The following FHIT variants were observed in gnomAD, a reference collection of about 807,000 sequenced individuals.
FHIT encodes the protein bis(5'-adenosyl)-triphosphatase.
A neutral mutation model predicts 17.9 loss-of-function variants in FHIT; 19 were observed. That is an observed-to-expected ratio of 1.06 (90% CI 0.74 to 1.56). The LOEUF (loss-of-function observed/expected upper bound fraction) is 1.56, where lower values mean the gene tolerates loss of function less well. Among genes scored for constraint, FHIT ranks in the 40% most tolerant of loss-of-function variants. FHIT has a pLI of 0.00. For missense variants in FHIT, 248 were observed against 189.2 expected (o/e 1.31, Z -1.82); for synonymous variants, 81 against 69.7 (o/e 1.16, Z -0.81).
At chr3:60,880,724 C>T (rs1207492275) in intron 3 of FHIT, among the ~76,000 whole-genome samples, 1 of 144,824 alleles carries the variant, frequency 6.9e-6, no homozygotes, top group Non-Finnish European at 1.5e-5. Context: ...AAGAGTGAAA[C>T]TCATCTCAAA....
intron 3 of FHIT, among the ~76,000 whole-genome samples, chr3:60,844,699 G>C (rs1371624374): frequency 1.3e-5 from 2 of 152,076 alleles, no homozygotes; most frequent in African/African-American, 2.4e-5. Flanking sequence ...AATCATATTT[G>C]TGACAATCTT....
intron 5 of FHIT, among the ~76,000 whole-genome samples, chr3:60,289,067 C>G (rs1180956306): frequency 6.6e-6 from 1 of 152,142 alleles, no homozygotes; most frequent in Non-Finnish European, 1.5e-5. Context: ...TTCATAAACA[C>G]TCTCCACAAA....
At chr3:60,300,367 C>A (rs1163781883) in intron 5 of FHIT, among the ~76,000 whole-genome samples, 6 of 152,012 alleles carry the variant, frequency 3.9e-5, no homozygotes, top group Non-Finnish European at 8.8e-5. Context: ...AGAATATTCA[C>A]AGCTTTACTT....
chr3:60,258,157 T>C (rs965578699), intron 5 of FHIT, among the ~76,000 whole-genome samples: 1 of 150,412 alleles, frequency 6.6e-6, no homozygotes, highest in Non-Finnish European at 1.5e-5. Flanking sequence ...TTGTGAAAAA[T>C]AATATTGCCA....
At chr3:60,264,461 C>T (rs1706469457) in intron 5 of FHIT, among the ~76,000 whole-genome samples, 1 of 151,594 alleles carries the variant, frequency 6.6e-6, no homozygotes, top group Non-Finnish European at 1.5e-5. Context: ...ATTAGAAATA[C>T]TCAACTTAAG....
At chr3:60,495,079 A>T (rs2034240397) in intron 5 of FHIT, among the ~76,000 whole-genome samples, 1 of 152,166 alleles carries the variant, frequency 6.6e-6, no homozygotes, top group South Asian at 2.1e-4. Flanking sequence ...ACTAATTTAC[A>T]TTCCCACCAA....
chr3:60,090,367 C>A lies in FHIT; in HGVS notation c.104-76215G>T, dbSNP rs1703678712. On this transcript the variant is annotated intron_variant, in intron 5 of 9. Coordinates refer to ENST00000492590, the MANE Select transcript of FHIT (RefSeq NM_002012.4). ...CTACAGCTTGGGAATACTAAATAAG[C>A]CCTAATGAGTTCAAAAGTCGGTAAT... is the stretch of plus-strand genomic sequence containing the variant. 5.3e-5 allele frequency among the ~76,000 whole-genome samples: 8 copies of A among 152,110 alleles called. 1 individual carries two copies. The highest frequency in any genetic ancestry group is 5.2e-4 in the Admixed American group (8 of 15,278).
At chr3:60,397,969 T>G (rs1414493918) in intron 5 of FHIT, among the ~76,000 whole-genome samples, 1 of 152,096 alleles carries the variant, frequency 6.6e-6, no homozygotes, top group Non-Finnish European at 1.5e-5. Context: ...AGCCACAGCC[T>G]CAGCCATATT....
chr3:60,277,113 A>G (rs213353), intron 5 of FHIT, among the ~76,000 whole-genome samples: 141,942 of 152,156 alleles, frequency 0.93, 66,334 homozygotes, highest in East Asian at 1. Flanking sequence ...CCTGGTGGTC[A>G]GCAAGAAAGC....
intron 5 of FHIT, among the ~76,000 whole-genome samples, chr3:60,253,139 G>A (rs1303870821): frequency 1.3e-5 from 2 of 152,152 alleles, no homozygotes; most frequent in African/African-American, 4.8e-5. Flanking sequence ...ATATTTTTAA[G>A]TTTTTATTTC....
chr3:60,796,254 G>C (rs1553730295), intron 4 of FHIT, among the ~76,000 whole-genome samples: 1 of 152,148 alleles, frequency 6.6e-6, no homozygotes, highest in Non-Finnish European at 1.5e-5. Context: ...CAAGGAGACA[G>C]TATTTGAGCT....
At chr3:59,999,479 T>A (rs953283862) in intron 7 of FHIT, among the ~76,000 whole-genome samples, 3 of 152,088 alleles carry the variant, frequency 2.0e-5, no homozygotes, top group Non-Finnish European at 4.4e-5. Flanking sequence ...CAGAGGCACT[T>A]TAGAAACTGT....
intron 8 of FHIT, among the ~76,000 whole-genome samples, chr3:59,827,610 T>A (rs1701021368): frequency 6.6e-6 from 1 of 152,228 alleles, no homozygotes. Context: ...ATCCCTATTT[T>A]ATAGAAGAGG....
At chr3:59,940,211 T>C (rs562795570) in intron 7 of FHIT, among the ~76,000 whole-genome samples, 4 of 152,306 alleles carry the variant, frequency 2.6e-5, no homozygotes, top group East Asian at 3.9e-4. Context: ...TTAGTAAGCA[T>C]AGATGTAAGG....
intron 3 of FHIT, among the ~76,000 whole-genome samples, chr3:60,983,416 G>C (rs1010662411): frequency 6.6e-6 from 1 of 152,158 alleles, no homozygotes; most frequent in African/African-American, 2.4e-5. Flanking sequence ...CAGGCTGTGT[G>C]AATGACAGCT....
At chr3:60,819,864 C>G (rs1035157117) in intron 4 of FHIT, among the ~76,000 whole-genome samples, 7 of 152,144 alleles carry the variant, frequency 4.6e-5, no homozygotes, top group Non-Finnish European at 8.8e-5. Flanking sequence ...ATACTCTTTA[C>G]TATTAGGAGA....
At chr3:59,827,857 G>T (rs937459153) in intron 8 of FHIT, among the ~76,000 whole-genome samples, 1 of 152,256 alleles carries the variant, frequency 6.6e-6, no homozygotes, top group Non-Finnish European at 1.5e-5. Flanking sequence ...ATGCATGTTG[G>T]ATTGCTCTCT....
At chr3:60,113,733 G>A (rs1245224286) in intron 5 of FHIT, among the ~76,000 whole-genome samples, 3 of 151,218 alleles carry the variant, frequency 2.0e-5, no homozygotes, top group Non-Finnish European at 4.4e-5. Flanking sequence ...CGGGCGCGGT[G>A]GCTCACACCT....
intron 5 of FHIT, among the ~76,000 whole-genome samples, chr3:60,354,610 TATTGAGAGGATTAGCTC>T (rs888724725): frequency 6.8e-6 from 1 of 146,914 alleles, no homozygotes; most frequent in Non-Finnish European, 1.5e-5. Context: ...ATTTTAGTGT[TATTGAGAGGATTAGCTC>T]ACTGCTGAGA....
Sources: allele counts gnomAD v4.1 joint callset (sites outside exome capture counted in the v4.1 genomes callset), GRCh38; gene constraint gnomAD v4.1.1; transcripts MANE v1.5; gene names NCBI Gene and HGNC (gene_info 2026-07-23, HGNC 2026-07-21).